CSNK1D: variants seen among roughly 807,000 people sequenced by gnomAD.
CSNK1D encodes casein kinase 1 delta.
Under a neutral mutation model 46.6 loss-of-function variants are expected in CSNK1D, and 16 were observed. The ratio of observed to expected loss-of-function variants is 0.34; its 90% CI spans 0.23 to 0.52. The LOEUF is 0.52. Ranked by LOEUF, CSNK1D falls within the 20% of genes least tolerant of loss-of-function variation. The pLI, the probability that CSNK1D is intolerant of heterozygous loss-of-function variation, is 0.95. For missense variants in CSNK1D, 398 were observed against 578.4 expected (o/e 0.69, Z 3.20); for synonymous variants, 276 against 228.2 (o/e 1.21, Z -1.89).
In CSNK1D at chr17:82,249,174, A is replaced by G; in HGVS notation, c.1058-160T>C. The G allele has an allele frequency of 1.1e-6, 1 of 926,588 alleles. No individual in the cohort carries two copies. The highest frequency in any genetic ancestry group is 1.6e-6 in the Non-Finnish European group (1 of 625,752). The allele number at this position is 926,588 out of a possible 1,614,324, so 57.4% of individuals were successfully genotyped here. On this transcript the variant is annotated intron_variant, in intron 7 of 8. Transcript: ENST00000314028. The surrounding 1 kb of genome is among the most constrained non-coding windows in gnomAD (Gnocchi z 6.7). ...CCAACACTCAGATCCGGCCGGAGGGACACAAAGGGACATGGGAGCGAGGTC... is the reference window on the plus strand; with the variant it reads ...CCAACACTCAGATCCGGCCGGAGGGGCACAAAGGGACATGGGAGCGAGGTC...
At chr17:82,254,460 G>A in intron 3 of CSNK1D, 1 of 276,178 alleles carries the variant, frequency 3.6e-6, no homozygotes, top group South Asian at 2.8e-5. Context: ...AGCCGCCGGA[G>A]CCTGGAGAAG....
chr17:82,245,180 T>C (rs763046275), intron 8 of CSNK1D: 7 of 481,674 alleles, frequency 1.5e-5, no homozygotes, highest in Admixed American at 1.3e-4. Flanking sequence ...AGGGAAGACA[T>C]GAAAAGCAGT....
intron 1 of CSNK1D, among the ~76,000 whole-genome samples, chr17:82,268,967 T>A (rs1019167011): frequency 6.6e-6 from 1 of 151,654 alleles, no homozygotes; most frequent in African/African-American, 2.4e-5. Context: ...CATGCTGGTG[T>A]GCGCCTCTAA....
chr17:82,243,249 T>C lies in CSNK1D; in HGVS notation c.*1532A>G. 3.0e-6 allele frequency: 3 copies of C among 985,462 alleles called. No individual in the cohort carries two copies. The highest frequency in any genetic ancestry group is 3.6e-6 in the Non-Finnish European group (3 of 829,978). 61.0% of individuals were successfully genotyped at this position (985,462 alleles called of 1,614,324 possible). On this transcript the variant is annotated 3_prime_UTR_variant, in exon 9 of 9. Coordinates refer to ENST00000314028, the MANE Select transcript of CSNK1D (RefSeq NM_001893.6). ...GCCAGTTATGGCATCCGGGGAACTC[T>C]GGGGAGGAGAAGGGAGAACCAAGGT... is the stretch of plus-strand genomic sequence containing the variant.
chr17:82,239,909 C>G, downstream of CSNK1D: 1 of 991,264 alleles, frequency 1.0e-6, no homozygotes, highest in Non-Finnish European at 1.3e-6. Context: ...ACACCTAACA[C>G]CCACCTGCCC....
chr17:82,240,531 G>A (rs2050728279), downstream of CSNK1D, among the ~76,000 whole-genome samples: 2 of 152,138 alleles, frequency 1.3e-5, no homozygotes, highest in Admixed American at 6.5e-5. Flanking sequence ...GTCATGGGCC[G>A]GGTGAGGGGT....
rs756358012 is a variant in CSNK1D, at chr17:82,252,979, G to A, written c.565+37C>T. Reference sequence around the variant, plus strand: ...GGCTGAGGCATGGACGCGCCCAAAGGCACCCCAGGTCAGTGACCCCATGCC... The same window carrying A: ...GGCTGAGGCATGGACGCGCCCAAAGACACCCCAGGTCAGTGACCCCATGCC... On this transcript the variant is annotated intron_variant, in intron 4 of 8. Coordinates refer to ENST00000314028, the MANE Select transcript of CSNK1D (RefSeq NM_001893.6). This position sits in a 1 kb window ranked among gnomAD's most constrained non-coding sequence, Gnocchi z 4.6. The A allele has an allele frequency of 6.3e-7, 1 of 1,591,664 alleles. No individual in the cohort carries two copies. The highest frequency in any genetic ancestry group is 8.6e-7 in the Non-Finnish European group (1 of 1,160,328).
Position 82,251,310 on chromosome 17 carries a change from G to T in CSNK1D, c.885+69C>A. The T allele has an allele frequency of 1.9e-6, 3 of 1,586,772 alleles. No homozygotes were observed. The highest frequency in any genetic ancestry group is 2.6e-6 in the Non-Finnish European group (3 of 1,157,110). The stretch of plus-strand genomic sequence containing the variant: ...GGTACAGCCCCTCAACAAGACGGCC[G>T]CCGGCCTCTCACTGACAAGCCATCC... On this transcript the variant is annotated intron_variant, in intron 6 of 8. Transcript: ENST00000314028. This position sits in a 1 kb window ranked among gnomAD's most constrained non-coding sequence, Gnocchi z 4.5.
Position 82,249,984 on chromosome 17 carries a change from G to C in CSNK1D, c.886-382C>G. The C allele has an allele frequency of 7.3e-6, 9 of 1,230,832 alleles. No individual in the cohort carries two copies. The highest frequency in any genetic ancestry group is 9.3e-6 in the Non-Finnish European group (9 of 965,498). The allele number at this position is 1,230,832 out of a possible 1,614,324, so 76.2% of individuals were successfully genotyped here. A position where few individuals can be genotyped will look rare whatever the true frequency, so the allele number is the denominator to read the frequency against. ...GGAGGCCAAAGACAGGCCCCAAATG[G>C]TGACAGCTGGGGAGGAAAGCGGGGT... On this transcript the variant is annotated intron_variant, in intron 6 of 8. Transcript: ENST00000314028. This position sits in a 1 kb window ranked among gnomAD's most constrained non-coding sequence, Gnocchi z 6.7.
In CSNK1D at chr17:82,255,031, G is replaced by C; in HGVS notation, c.336+398C>G. The stretch of plus-strand genomic sequence containing the variant: ...CCTCGAGAAGCCAGTGAGCTGAGCC[G>C]TCGGAGCCTCGAGAAGCCAGTGAGC... On this transcript the variant is annotated intron_variant, in intron 3 of 8. Coordinates refer to ENST00000314028, the MANE Select transcript of CSNK1D (RefSeq NM_001893.6). This position sits in a 1 kb window ranked among gnomAD's most constrained non-coding sequence, Gnocchi z 5.9. 3 of 316,574 alleles carry C rather than the reference G, an allele frequency of 9.5e-6. No individual in the cohort carries two copies. The highest frequency in any genetic ancestry group is 1.7e-5 in the Non-Finnish European group (3 of 173,290). The allele number at this position is 316,574 out of a possible 1,614,324, so 19.6% of individuals were successfully genotyped here. A position where few individuals can be genotyped will look rare whatever the true frequency, so the allele number is the denominator to read the frequency against.
At chr17:82,266,056 G>C (rs1039397819) in intron 1 of CSNK1D, among the ~76,000 whole-genome samples, 1 of 152,182 alleles carries the variant, frequency 6.6e-6, no homozygotes, top group Non-Finnish European at 1.5e-5. Flanking sequence ...CCAGTCTTCA[G>C]GTGCTGCAGC....
chr17:82,268,406 C>T (rs772241697), intron 1 of CSNK1D, among the ~76,000 whole-genome samples: 3 of 152,264 alleles, frequency 2.0e-5, no homozygotes, highest in Non-Finnish European at 2.9e-5. Flanking sequence ...AGCACAGAGG[C>T]GCTCAGTAAC....
At chr17:82,245,591 C>T (rs533333253) in intron 8 of CSNK1D, 92 of 324,672 alleles carry the variant, frequency 2.8e-4, no homozygotes, top group Non-Finnish European at 4.1e-4. Flanking sequence ...AGGACACAGA[C>T]GCCCCTCCAG....
intron 1 of CSNK1D, among the ~76,000 whole-genome samples, chr17:82,267,955 T>C (rs931763170): frequency 3.9e-5 from 6 of 152,270 alleles, no homozygotes; most frequent in Admixed American, 6.5e-5. Context: ...CCTGCAGCAC[T>C]GACTGTCGTG....
intron 8 of CSNK1D, chr17:82,246,854 C>A (rs887791893): frequency 3.1e-5 from 31 of 986,022 alleles, no homozygotes; most frequent in Non-Finnish European, 3.7e-5. Context: ...AGTCACTGCC[C>A]ACGGTGACTG....
downstream of CSNK1D, chr17:82,240,090 A>G: frequency 3.2e-6 from 4 of 1,232,450 alleles, no homozygotes; most frequent in South Asian, 1.2e-4. Context: ...CGAAAAGTGC[A>G]CATCTCAGGT....
At chr17:82,253,847 G>A (rs879090024) in intron 3 of CSNK1D, 4 of 253,138 alleles carry the variant, frequency 1.6e-5, no homozygotes, top group South Asian at 9.9e-5. Flanking sequence ...CCGGAGCCTC[G>A]AGAAGCCAGT....
At chr17:82,246,429 T>C (rs2050851759) in intron 8 of CSNK1D, 3 of 1,189,324 alleles carry the variant, frequency 2.5e-6, no homozygotes, top group Non-Finnish European at 3.2e-6. Context: ...GGCTCAGGCC[T>C]AGTCCTGGGC....
chr17:82,272,309 ACT>A (rs1272117883), intron 1 of CSNK1D: 1 of 151,496 alleles, frequency 6.6e-6, no homozygotes, highest in Non-Finnish European at 1.5e-5. Flanking sequence ...ACGCCATTGC[ACT>A]CCAACCTGGG....
Sources: gnomAD v4.1 joint callset for allele counts (sites outside exome capture counted in the v4.1 genomes callset) on GRCh38, gnomAD v4.1.1 for gene constraint, Gnocchi (gnomAD v3.1) non-coding constraint, MANE v1.5 for transcripts, NCBI Gene and HGNC (gene_info 2026-07-23, HGNC 2026-07-21) for gene names.